Variants in ARSI observed in about 807,000 individuals in gnomAD.
The protein encoded by ARSI is arylsulfatase family member I.
Under a neutral mutation model 42.1 loss-of-function variants are expected in ARSI, and 37 were observed. The observed-to-expected ratio is 0.88, with a 90% CI of 0.68 to 1.16. ARSI has a LOEUF of 1.16. Ranked by LOEUF, ARSI falls within the 50% of genes most tolerant of loss-of-function variation. ARSI has a pLI of 0.00. For missense variants in ARSI, 725 were observed against 790.1 expected (o/e 0.92, Z 0.99); for synonymous variants, 305 against 320.3 (o/e 0.95, Z 0.51).
At position 150,297,240 on chromosome 5, in the gene ARSI, T is replaced by G; in HGVS notation, c.1684A>C (p.Thr562Pro). Residue 562 changes from threonine to proline, a missense_variant, in exon 2 of 2, where the codon ACC becomes CCC. Transcript: ENST00000328668. The surrounding 1 kb of genome is among the most constrained non-coding windows in gnomAD (Gnocchi z 7.0). ...KLRSFFRKLNTRLMSQRI is the reference protein window; with the variant it reads ...KLRSFFRKLNPRLMSQRI ...CAGATCCGTTGGGACATTAGCCTGGTGTTGAGTTTACGGAAAAAGGATCGA... is the reference window on the plus strand; with the variant it reads ...CAGATCCGTTGGGACATTAGCCTGGGGTTGAGTTTACGGAAAAAGGATCGA... 1 of 1,583,504 alleles carries G rather than the reference T, an allele frequency of 6.3e-7. No homozygotes were observed. The highest frequency in any genetic ancestry group is 8.6e-7 in the Non-Finnish European group (1 of 1,166,348).
intron 1 of ARSI, among the ~76,000 whole-genome samples, chr5:150,299,051 A>T (rs1001246916): frequency 3.9e-5 from 6 of 152,146 alleles, no homozygotes; most frequent in African/African-American, 1.4e-4. Context: ...TATTGTTCCC[A>T]TTTTCCAAAT....
In ARSI at chr5:150,297,798, C is replaced by G; in HGVS notation, c.1126G>C (p.Ala376Pro). 6.2e-7 allele frequency: 1 copy of G among 1,604,296 alleles called. No individual in the cohort carries two copies. Among genetic ancestry groups the G allele is most frequent in the Non-Finnish European group, 8.5e-7 (1 of 1,174,512 alleles). ...DGLDGYDVWP[A>P]ISEGRASPRT... is the part of the protein sequence containing the mutation. ...GGTGAGGCCCGGCCCTCGCTGATGG[C>G]CGGCCACACGTCGTAGCCATCTAGC... Residue 376 changes from alanine (A) to proline (P), a missense_variant, in exon 2 of 2, where the codon GCC becomes CCC. By Grantham distance (27) the Ala-to-Pro change is conservative. Transcript: ENST00000328668. The surrounding 1 kb of genome is among the most constrained non-coding windows in gnomAD (Gnocchi z 7.0).
chr5:150,302,117 T>C lies in ARSI; in HGVS notation c.257A>G (p.Asn86Ser). ...CGTGCAGATGGGCTGGATGTAATAA[T>C]TCTCCAACTTGACCCCCTTGGCCGC... is the stretch of plus-strand genomic sequence containing the variant. The part of the protein sequence containing the change: ...RLAAKGVKLE[N>S]YYIQPICTPS... Residue 86 changes from asparagine to serine, a missense_variant, in exon 1 of 2, where the codon AAT becomes AGT. Coordinates refer to ENST00000328668, the MANE Select transcript of ARSI (RefSeq NM_001012301.4). The surrounding 1 kb of genome is among the most constrained non-coding windows in gnomAD (Gnocchi z 6.1). 6.2e-7 allele frequency: 1 copy of C among 1,610,606 alleles called. No individual in the cohort carries two copies. The highest frequency in any genetic ancestry group is 8.5e-7 in the Non-Finnish European group (1 of 1,178,794).
chr5:150,297,327 C>G lies in ARSI; in HGVS notation c.1597G>C (p.Glu533Gln), dbSNP rs769225084. Reference sequence around the variant, plus strand: ...CGGGAGAAGCTTCGAGCCCTCCCTTCCTCTTCCTCCTCTTCCTCATCACTG... The same window carrying G: ...CGGGAGAAGCTTCGAGCCCTCCCTTGCTCTTCCTCCTCTTCCTCATCACTG... ...WASDEEEEEEEGRARSFSRGR... is the reference protein window; with the variant it reads ...WASDEEEEEEQGRARSFSRGR... Residue 533 changes from glutamate (E) to glutamine (Q), a missense_variant, in exon 2 of 2, where the codon GAA becomes CAA. Glu to Gln is a conservative substitution (Grantham distance 29). Transcript: ENST00000328668. This position sits in a 1 kb window ranked among gnomAD's most constrained non-coding sequence, Gnocchi z 7.0. The G allele has an allele frequency of 5.6e-6, 9 of 1,613,614 alleles. No homozygotes were observed. The South Asian group carries it at 8.8e-5, about 16-fold the overall frequency.
chr5:150,300,282 T>C (rs974026360), intron 1 of ARSI, among the ~76,000 whole-genome samples: 2 of 152,194 alleles, frequency 1.3e-5, no homozygotes, highest in Non-Finnish European at 2.9e-5. Context: ...ACCCCCATTC[T>C]ACAGATGATA....
chr5:150,302,266 G>A lies in ARSI; in HGVS notation c.108C>T (p.Gly36=), dbSNP rs752373476. ...GGGGCGGAGCGGCCGAGGGCTGCTC[G>A]CCAGCCTCCCCGGGCCCGTCGGCCA... ...SFVADGPGEA[G]EQPSAAPPQP... is the part of the protein sequence containing the mutation. The change falls in exon 1 of 2, where the codon GGC becomes GGT. Residue 36 remains glycine (G), a synonymous_variant. Transcript: ENST00000328668. This position sits in a 1 kb window ranked among gnomAD's most constrained non-coding sequence, Gnocchi z 6.1. 3 of 1,606,636 alleles carry A rather than the reference G, an allele frequency of 1.9e-6. No individual in the cohort carries two copies. The highest frequency in any genetic ancestry group is 1.1e-5 in the South Asian group (1 of 90,090).
chr5:150,297,925 C>G lies in ARSI; in HGVS notation c.999G>C (p.Leu333=). 11 of 1,611,402 alleles carry G rather than the reference C, an allele frequency of 6.8e-6. No homozygotes were observed. Among genetic ancestry groups the G allele is most frequent in the Non-Finnish European group, 9.3e-6 (11 of 1,178,890 alleles). Residue 333 remains leucine (L), a synonymous_variant, in exon 2 of 2, where the codon CTG becomes CTC. Transcript: ENST00000328668. This position sits in a 1 kb window ranked among gnomAD's most constrained non-coding sequence, Gnocchi z 7.0. ...VRGLGFVHSP[L]LKRKQRTSRA... Reference sequence around the variant, plus strand: ...GGCTTGTCCGTTGCTTTCGCTTGAGCAGGGGACTGTGGACAAAGCCTAGGC... The same window carrying G: ...GGCTTGTCCGTTGCTTTCGCTTGAGGAGGGGACTGTGGACAAAGCCTAGGC...
In ARSI at chr5:150,298,145, C is replaced by T. The variant is rs533440544; in HGVS notation, c.779G>A (p.Arg260Gln). 123 of 1,613,934 alleles carry T rather than the reference C, an allele frequency of 7.6e-5. No individual in the cohort carries two copies. Among genetic ancestry groups the T allele is most frequent in the Admixed American group, 7.2e-4 (43 of 60,028 alleles). ...YRYRTMGNVA[R>Q]RKYAAMVTCM... ...GGTCACCATGGCCGCGTACTTCCGC[C>T]GGGCCACATTGCCCATGGTGCGGTA... The change falls in exon 2 of 2, where the codon CGG (arginine) becomes CAG (glutamine). Residue 260 changes from arginine to glutamine, a missense_variant. By Grantham distance (43) the Arg-to-Gln change is conservative. Coordinates refer to ENST00000328668, the MANE Select transcript of ARSI (RefSeq NM_001012301.4).
intron 1 of ARSI, among the ~76,000 whole-genome samples, chr5:150,300,919 A>G (rs995517939): frequency 2.6e-5 from 4 of 151,964 alleles, no homozygotes; most frequent in Non-Finnish European, 5.9e-5. Flanking sequence ...ACCCCAACCC[A>G]TACACACCCC....
chr5:150,297,538 C>T lies in ARSI; in HGVS notation c.1386G>A (p.Val462=). 6.2e-7 allele frequency: 1 copy of T among 1,613,360 alleles called. No homozygotes were observed. The highest frequency in any genetic ancestry group is 8.5e-7 in the Non-Finnish European group (1 of 1,179,896). Residue 462 remains valine (V), a synonymous_variant, in exon 2 of 2, where the codon GTG becomes GTA. Transcript: ENST00000328668. This position sits in a 1 kb window ranked among gnomAD's most constrained non-coding sequence, Gnocchi z 7.0. The part of the protein sequence containing the change: ...LERMASVRQA[V]WLFNISADPY... The stretch of plus-strand genomic sequence containing the variant: ...GGTCAGCACTGATGTTGAAGAGCCA[C>T]ACGGCCTGGCGGACACTGGCCATTC...
In ARSI at chr5:150,298,090, G is replaced by A. The variant is rs763835530; in HGVS notation, c.834C>T (p.Thr278=). 1 of 1,613,530 alleles carries A rather than the reference G, an allele frequency of 6.2e-7. No homozygotes were observed. Among genetic ancestry groups the A allele is most frequent in the East Asian group, 2.2e-5 (1 of 44,870 alleles). The part of the protein sequence containing the change: ...TCMDEAVRNI[T]WALKRYGFYN... ...AGAAACCGTAGCGCTTGAGGGCCCA[G>A]GTGATGTTGCGCACAGCCTCATCCA... is the stretch of plus-strand genomic sequence containing the variant. The change falls in exon 2 of 2, where the codon ACC becomes ACT. Residue 278 remains threonine, a synonymous_variant. Transcript: ENST00000328668.
At position 150,297,291 on chromosome 5, in the gene ARSI, T is replaced by G; in HGVS notation, c.1633A>C (p.Lys545Gln). The change falls in exon 2 of 2, where the codon AAG (lysine) becomes CAG (glutamine). Residue 545 changes from lysine to glutamine, a missense_variant. Lys to Gln is a moderately conservative substitution (Grantham distance 53). Coordinates refer to ENST00000328668, the MANE Select transcript of ARSI (RefSeq NM_001012301.4). The surrounding 1 kb of genome is among the most constrained non-coding windows in gnomAD (Gnocchi z 7.0). ...AGCTTGCAAATCTTGCATTTTTTCT[T>G]GCGACGACCCCGGGAGAAGCTTCGA... Reference protein sequence around the residue: ...RARSFSRGRRKKKCKICKLRS... With the variant: ...RARSFSRGRRQKKCKICKLRS... The G allele has an allele frequency of 6.2e-7, 1 of 1,611,038 alleles. No homozygotes were observed. Among genetic ancestry groups the G allele is most frequent in the Non-Finnish European group, 8.5e-7 (1 of 1,178,692 alleles).
Position 150,297,674 on chromosome 5 carries a change from G to A in ARSI, c.1250C>T (p.Ala417Val), listed in dbSNP as rs781288265. ...CTTCCACTCACCCACGCGGATGGCA[G>A]CCTGCACGGCGGTGTTCCAGATGCC... ...GFGIWNTAVQAAIRVGEWKLL... is the reference protein window; with the variant it reads ...GFGIWNTAVQVAIRVGEWKLL... Residue 417 changes from alanine (A) to valine (V), a missense_variant, in exon 2 of 2, where the codon GCT becomes GTT. Coordinates refer to ENST00000328668, the MANE Select transcript of ARSI (RefSeq NM_001012301.4). The surrounding 1 kb of genome is among the most constrained non-coding windows in gnomAD (Gnocchi z 7.0). 1.9e-6 allele frequency: 3 copies of A among 1,613,454 alleles called. No individual in the cohort carries two copies. Among genetic ancestry groups the A allele is most frequent in the East Asian group, 4.5e-5 (2 of 44,882 alleles).
chr5:150,298,229 T>C lies in ARSI; in HGVS notation c.695A>G (p.Tyr232Cys), dbSNP rs772886394. The change falls in exon 2 of 2, where the codon TAT (tyrosine) becomes TGT (cysteine). Residue 232 changes from tyrosine (Y) to cysteine (C), a missense_variant. Coordinates refer to ENST00000328668, the MANE Select transcript of ARSI (RefSeq NM_001012301.4). ...SHSPQRPLFLYVAFQAVHTPL... is the reference protein window; with the variant it reads ...SHSPQRPLFLCVAFQAVHTPL... ...TGTGTGTACTGCCTGGAAGGCCACA[T>C]AGAGGAAGAGGGGACGCTGAGGGCT... 1 of 1,614,106 alleles carries C rather than the reference T, an allele frequency of 6.2e-7. No homozygotes were observed. Among genetic ancestry groups the C allele is most frequent in the East Asian group, 2.2e-5 (1 of 44,882 alleles).
chr5:150,302,328 C>T lies in ARSI; in HGVS notation c.46G>A (p.Gly16Ser), dbSNP rs373846976. Reference sequence around the variant, plus strand: ...TTGGCCCAGTCCCAGGACAGGTAGCCGAAGCTGAGCAGGCTGACCAGGGAG... The same window carrying T: ...TTGGCCCAGTCCCAGGACAGGTAGCTGAAGCTGAGCAGGCTGACCAGGGAG... ...GFSLVSLLSF[G>S]YLSWDWAKPS... The change falls in exon 1 of 2, where the codon GGC becomes AGC. Residue 16 changes from glycine (G) to serine (S), a missense_variant. By Grantham distance (56) the Gly-to-Ser change is moderately conservative. Coordinates refer to ENST00000328668, the MANE Select transcript of ARSI (RefSeq NM_001012301.4). The surrounding 1 kb of genome is among the most constrained non-coding windows in gnomAD (Gnocchi z 6.1). 2.1e-5 allele frequency: 33 copies of T among 1,575,038 alleles called. No individual in the cohort carries two copies. In the South Asian group the frequency reaches 2.8e-4, roughly 13 times the overall value.
At chr5:150,298,722 C>T (rs1436667487) in intron 1 of ARSI, 110 bp from the exon 2 acceptor site, 1 of 998,732 alleles carries the variant, frequency 1.0e-6, no homozygotes, top group East Asian at 2.6e-5. Flanking sequence ...CCAGCACTAC[C>T]AGCAAAAATA....
Position 150,297,766 on chromosome 5 carries a change from C to T in ARSI, c.1158G>A (p.Thr386=), listed in dbSNP as rs757161790. Residue 386 remains threonine, a synonymous_variant, in exon 2 of 2, where the codon ACG becomes ACA. Coordinates refer to ENST00000328668, the MANE Select transcript of ARSI (RefSeq NM_001012301.4). This position sits in a 1 kb window ranked among gnomAD's most constrained non-coding sequence, Gnocchi z 7.0. Reference sequence around the variant, plus strand: ...GTGGGTCAATGTTGTGCAGGATCTCCGTGCGTGGTGAGGCCCGGCCCTCGC... The same window carrying T: ...GTGGGTCAATGTTGTGCAGGATCTCTGTGCGTGGTGAGGCCCGGCCCTCGC... ...AISEGRASPR[T]EILHNIDPLY... The T allele has an allele frequency of 2.2e-5, 36 of 1,608,506 alleles. No individual in the cohort carries two copies. Among genetic ancestry groups the T allele is most frequent in the East Asian group, 4.5e-5 (2 of 44,800 alleles).
chr5:150,297,259 G>A lies in ARSI; in HGVS notation c.1665C>T (p.Ser555=). The change falls in exon 2 of 2, where the codon TCC becomes TCT. Residue 555 remains serine, a synonymous_variant. Coordinates refer to ENST00000328668, the MANE Select transcript of ARSI (RefSeq NM_001012301.4). The surrounding 1 kb of genome is among the most constrained non-coding windows in gnomAD (Gnocchi z 7.0). ...KKKCKICKLR[S]FFRKLNTRLM... is the part of the protein sequence containing the mutation. ...GCCTGGTGTTGAGTTTACGGAAAAA[G>A]GATCGAAGCTTGCAAATCTTGCATT... 1 of 1,594,704 alleles carries A rather than the reference G, an allele frequency of 6.3e-7. No individual in the cohort carries two copies. The highest frequency in any genetic ancestry group is 1.8e-5 in the Admixed American group (1 of 56,820).
chr5:150,297,450 G>A lies in ARSI; in HGVS notation c.1474C>T (p.Leu492=). ...PDVVRTLLAR[L]AEYNRTAIPV... is the part of the protein sequence containing the mutation. ...ATGGCTGTGCGGTTATATTCGGCCA[G>A]GCGAGCCAGCAGGGTGCGGACCACA... The change falls in exon 2 of 2, where the codon CTG becomes TTG. Residue 492 remains leucine, a synonymous_variant. Coordinates refer to ENST00000328668, the MANE Select transcript of ARSI (RefSeq NM_001012301.4). This position sits in a 1 kb window ranked among gnomAD's most constrained non-coding sequence, Gnocchi z 7.0. 4 of 1,611,178 alleles carry A rather than the reference G, an allele frequency of 2.5e-6. No homozygotes were observed. The highest frequency in any genetic ancestry group is 1.7e-4 in the Middle Eastern group (1 of 6,052).
Sources: allele counts gnomAD v4.1 joint callset (sites outside exome capture counted in the v4.1 genomes callset), GRCh38; gene constraint gnomAD v4.1.1; non-coding constraint Gnocchi (gnomAD v3.1); transcripts MANE v1.5; gene names NCBI Gene and HGNC (gene_info 2026-07-23, HGNC 2026-07-21).